CNTN5: variants seen among roughly 807,000 people sequenced by gnomAD.
CNTN5 encodes the protein contactin 5, also known as contactin-5.
A neutral mutation model predicts 129.1 loss-of-function variants in CNTN5; 77 were observed. The ratio of observed to expected loss-of-function variants is 0.60; its 90% CI spans 0.50 to 0.72. CNTN5 has a LOEUF of 0.72. Among genes scored for constraint, CNTN5 ranks in the 30% least tolerant of loss-of-function variants. The pLI is 0.00. For missense variants in CNTN5, 1,478 were observed against 1,328.8 expected, an observed-to-expected ratio of 1.11 and a Z score of -1.75; for synonymous variants, 509 against 465.6, an observed-to-expected ratio of 1.09 and a Z score of -1.20.
chr11:99,428,308 C>T (rs913165915), intron 2 of CNTN5, among the ~76,000 whole-genome samples: 2 of 151,528 alleles, frequency 1.3e-5, no homozygotes, highest in South Asian at 4.2e-4. Flanking sequence ...GTTTTTAATC[C>T]CAGCACTTCG....
intron 2 of CNTN5, among the ~76,000 whole-genome samples, chr11:99,434,279 T>C (rs1432176997): frequency 6.6e-6 from 1 of 152,140 alleles, no homozygotes; most frequent in Non-Finnish European, 1.5e-5. Flanking sequence ...GAAAAAACAG[T>C]AGATAATATA....
intron 1 of CNTN5, among the ~76,000 whole-genome samples, chr11:99,141,279 G>C (rs181094417): frequency 8.6e-4 from 130 of 151,856 alleles, no homozygotes; most frequent in African/African-American, 3.0e-3. Context: ...TAGTTTGTGT[G>C]CATTGAAATG....
intron 1 of CNTN5, among the ~76,000 whole-genome samples, chr11:99,042,706 T>G (rs1196163721): frequency 6.6e-6 from 1 of 152,082 alleles, no homozygotes; most frequent in Non-Finnish European, 1.5e-5. Flanking sequence ...AGAATTCAAC[T>G]CTTATTTCAT....
intron 21 of CNTN5, among the ~76,000 whole-genome samples, chr11:100,310,803 G>A (rs1390125301): frequency 6.6e-6 from 1 of 151,832 alleles, no homozygotes; most frequent in Non-Finnish European, 1.5e-5. Flanking sequence ...CAGAGAGAAC[G>A]GCAAGCCCAG....
chr11:100,049,204 CTTGTT>C (rs1942836666), intron 9 of CNTN5, among the ~76,000 whole-genome samples: 2 of 151,814 alleles, frequency 1.3e-5, no homozygotes, highest in Admixed American at 6.6e-5. Flanking sequence ...TCTATTTCCA[CTTGTT>C]TTGTAAAGAA....
At chr11:99,933,429 C>T (rs570338225) in intron 7 of CNTN5, among the ~76,000 whole-genome samples, 3 of 152,128 alleles carry the variant, frequency 2.0e-5, no homozygotes, top group African/African-American at 7.2e-5. Flanking sequence ...GTCATGTAAC[C>T]ACTACCATAA....
At chr11:99,797,604 T>G (rs1945985906) in intron 3 of CNTN5, among the ~76,000 whole-genome samples, 1 of 152,176 alleles carries the variant, frequency 6.6e-6, no homozygotes, top group African/African-American at 2.4e-5. Flanking sequence ...TCATGTCCTT[T>G]GCCCACTTTG....
At chr11:100,156,430 C>A (rs749038382) in intron 13 of CNTN5, among the ~76,000 whole-genome samples, 5 of 152,056 alleles carry the variant, frequency 3.3e-5, no homozygotes, top group African/African-American at 9.7e-5. Flanking sequence ...CTTTTCACAT[C>A]GACGTTCATC....
chr11:100,040,959 T>C (rs567603615), intron 9 of CNTN5, among the ~76,000 whole-genome samples: 1 of 152,314 alleles, frequency 6.6e-6, no homozygotes, highest in South Asian at 2.1e-4. Flanking sequence ...CTTTGGCTCA[T>C]GCACGGTGCA....
chr11:99,267,535 G>A (rs11219133), intron 1 of CNTN5, among the ~76,000 whole-genome samples: 2,124 of 152,036 alleles, frequency 0.014, 20 homozygotes, highest in Middle Eastern at 0.044. Context: ...TCGTTCATGT[G>A]ATAGTAGGAG....
At chr11:99,358,516 G>A (rs1454315454) in intron 2 of CNTN5, among the ~76,000 whole-genome samples, 4 of 150,606 alleles carry the variant, frequency 2.7e-5, no homozygotes, top group East Asian at 2.0e-4. Context: ...AGCCAAGATC[G>A]CGCCACTGCA....
intron 9 of CNTN5, among the ~76,000 whole-genome samples, chr11:100,047,356 A>G (rs372162424): frequency 8.8e-4 from 134 of 152,192 alleles, no homozygotes; most frequent in Non-Finnish European, 1.5e-3. Context: ...TCACCCTAAA[A>G]AAGATTACAA....
intron 9 of CNTN5, among the ~76,000 whole-genome samples, chr11:100,017,780 T>A (rs2137548978): frequency 6.6e-6 from 1 of 152,122 alleles, no homozygotes; most frequent in African/African-American, 2.4e-5. Flanking sequence ...CTATGGGATT[T>A]CACACACAAA....
chr11:99,775,147 G>A (rs1248401604), intron 3 of CNTN5, among the ~76,000 whole-genome samples: 2 of 151,964 alleles, frequency 1.3e-5, no homozygotes, highest in African/African-American at 4.8e-5. Flanking sequence ...CTCTGCCATG[G>A]GCGTGATGCT....
At chr11:99,143,335 A>G (rs567383235) in intron 1 of CNTN5, among the ~76,000 whole-genome samples, 2 of 133,730 alleles carry the variant, frequency 1.5e-5, no homozygotes, top group Non-Finnish European at 3.3e-5. Flanking sequence ...TGTAATATAT[A>G]TGTATGTGTG....
chr11:99,707,319 C>G (rs1954798544), intron 3 of CNTN5, among the ~76,000 whole-genome samples: 2 of 151,498 alleles, frequency 1.3e-5, no homozygotes, highest in Non-Finnish European at 3.0e-5. Context: ...CTTAGTAAGT[C>G]TTTTCATTTT....
chr11:99,477,510 G>T (rs2656157), intron 2 of CNTN5, among the ~76,000 whole-genome samples: 71,325 of 151,324 alleles, frequency 0.47, 17,345 homozygotes, highest in Middle Eastern at 0.59. Flanking sequence ...TAATAAAGTT[G>T]ATAAAATTTC....
intron 2 of CNTN5, among the ~76,000 whole-genome samples, chr11:99,431,802 A>G (rs900002271): frequency 1.3e-5 from 2 of 152,168 alleles, no homozygotes; most frequent in African/African-American, 4.8e-5. Flanking sequence ...CTTTTTCCAA[A>G]GATAATTTTG....
chr11:100,331,226 A>G (rs962771462), intron 21 of CNTN5, among the ~76,000 whole-genome samples: 2 of 152,300 alleles, frequency 1.3e-5, no homozygotes, highest in East Asian at 1.9e-4. Context: ...CAGCAGTTTA[A>G]AAAGACAAAG....
Sources: allele counts gnomAD v4.1 joint callset (sites outside exome capture counted in the v4.1 genomes callset), GRCh38; gene constraint gnomAD v4.1.1; transcripts MANE v1.5; gene names NCBI Gene and HGNC (gene_info 2026-07-23, HGNC 2026-07-21).